Variants in WASHC4 observed in about 807,000 individuals in gnomAD.
WASHC4 encodes the protein WASH complex subunit 4, also known as WASH complex subunit 7.
A neutral mutation model predicts 166.6 loss-of-function variants in WASHC4; 86 were observed. That is an observed-to-expected ratio of 0.52 (90% CI 0.43 to 0.62). The LOEUF is 0.62. WASHC4 is among the 20% of genes least tolerant of loss of function. WASHC4 has a pLI of 0.00. For missense variants in WASHC4, 1,262 were observed against 1,382.4 expected (o/e 0.91, Z 1.38); for synonymous variants, 446 against 451.6 (o/e 0.99, Z 0.16).
intron 20 of WASHC4, among the ~76,000 whole-genome samples, chr12:105,143,834 A>G (rs1883066854): frequency 6.6e-6 from 1 of 151,954 alleles, no homozygotes; most frequent in African/African-American, 2.4e-5. Context: ...ACTTTTTATA[A>G]TTTCTTGTAT....
At chr12:105,129,734 G>A (rs754198780) in intron 13 of WASHC4, among the ~76,000 whole-genome samples, 11 of 152,126 alleles carry the variant, frequency 7.2e-5, no homozygotes, top group Non-Finnish European at 1.3e-4. Flanking sequence ...ATATTTGAGG[G>A]ACATTCAGAA....
At position 105,133,847 on chromosome 12, in the gene WASHC4, T is replaced by C; in HGVS notation, c.1277T>C (p.Met426Thr). 1 of 1,611,978 alleles carries C rather than the reference T, an allele frequency of 6.2e-7. No homozygotes were observed. Residue 426 changes from methionine to threonine, a missense_variant, in exon 14 of 33, where the codon ATG (methionine) becomes ACG (threonine). Transcript: ENST00000332180. ...MESILSKEQR[M>T]DKFAEDLTNR... The stretch of plus-strand genomic sequence containing the variant: ...TCTATTTTGTCTAAAGAGCAGAGAA[T>C]GGATAAATTTGCTGAAGATCTCACC...
Position 105,164,106 on chromosome 12 carries a change from T to A in WASHC4, c.3158-5T>A. ...ATTTAACCTTAGTTTTGCTTATGCC[T>A]GCAGGTGTGGCTTACATTCTAAAGC... On this transcript the variant is annotated splice_region_variant and splice_polypyrimidine_tract_variant and intron_variant, in intron 30 of 32. Coordinates refer to ENST00000332180, the MANE Select transcript of WASHC4 (RefSeq NM_015275.3). The A allele has an allele frequency of 6.2e-7, 1 of 1,614,030 alleles. No homozygotes were observed. Among genetic ancestry groups the A allele is most frequent in the Non-Finnish European group, 8.5e-7 (1 of 1,179,886 alleles).
chr12:105,144,634 G>A, intron 21 of WASHC4, 84 bp from the exon 22 acceptor site: 2 of 1,261,322 alleles, frequency 1.6e-6, no homozygotes, highest in Non-Finnish European at 2.2e-6. Context: ...TGATGTTCAA[G>A]GACAAGTTGT....
At chr12:105,129,067 T>C (rs1450653425) in intron 13 of WASHC4, among the ~76,000 whole-genome samples, 1 of 151,694 alleles carries the variant, frequency 6.6e-6, no homozygotes, top group Non-Finnish European at 1.5e-5. Flanking sequence ...TTCCTCAGCC[T>C]CCCGAGTAGC....
intron 29 of WASHC4, among the ~76,000 whole-genome samples, chr12:105,161,308 CATA>C (rs1884481237): frequency 1.3e-5 from 2 of 152,108 alleles, no homozygotes; most frequent in Non-Finnish European, 2.9e-5. Context: ...AATTTTCTAT[CATA>C]ATTGTATTTT....
intron 1 of WASHC4, among the ~76,000 whole-genome samples, chr12:105,109,125 T>C (rs1879397358): frequency 6.6e-6 from 1 of 152,172 alleles, no homozygotes; most frequent in African/African-American, 2.4e-5. Flanking sequence ...GATAATAAGG[T>C]ATTAGCTCTT....
chr12:105,164,099 T>C lies in WASHC4; in HGVS notation c.3158-12T>C. 4 of 1,613,846 alleles carry C rather than the reference T, an allele frequency of 2.5e-6. No homozygotes were observed. The highest frequency in any genetic ancestry group is 3.4e-6 in the Non-Finnish European group (4 of 1,179,748). The stretch of plus-strand genomic sequence containing the variant: ...CACTGTAATTTAACCTTAGTTTTGC[T>C]TATGCCTGCAGGTGTGGCTTACATT... On this transcript the variant is annotated splice_polypyrimidine_tract_variant and intron_variant, in intron 30 of 32. Coordinates refer to ENST00000332180, the MANE Select transcript of WASHC4 (RefSeq NM_015275.3).
rs1160544648 is a variant in WASHC4, at chr12:105,160,069, T to C, written c.2981T>C (p.Leu994Pro). 1 of 1,613,738 alleles carries C rather than the reference T, an allele frequency of 6.2e-7. No individual in the cohort carries two copies. Among genetic ancestry groups the C allele is most frequent in the Non-Finnish European group, 8.5e-7 (1 of 1,179,604 alleles). ...SAEGTEYFKM[L>P]VDVFAPEFRR... ...GAAGGCACAGAATATTTCAAAATGC[T>C]TGTAGACGTTTTTGCTCCAGAATTT... is the stretch of plus-strand genomic sequence containing the variant. Residue 994 changes from leucine (L) to proline (P), a missense_variant, in exon 29 of 33, where the codon CTT becomes CCT. Coordinates refer to ENST00000332180, the MANE Select transcript of WASHC4 (RefSeq NM_015275.3).
At chr12:105,125,739 G>A (rs1264051531) in intron 10 of WASHC4, among the ~76,000 whole-genome samples, 1 of 151,984 alleles carries the variant, frequency 6.6e-6, no homozygotes, top group Admixed American at 6.5e-5. Context: ...TGAACATCGT[G>A]TGTATCTCTT....
At chr12:105,132,789 T>A (rs1270209596) in intron 13 of WASHC4, among the ~76,000 whole-genome samples, 1 of 3,126 alleles carries the variant, frequency 3.2e-4, no homozygotes, top group African/African-American at 7.6e-4. Context: ...AAAGAGGTAG[T>A]GTGTGTGTGT....
At chr12:105,128,341 G>A (rs1488705369) in intron 13 of WASHC4, among the ~76,000 whole-genome samples, 2 of 152,234 alleles carry the variant, frequency 1.3e-5, no homozygotes, top group Non-Finnish European at 2.9e-5. Flanking sequence ...GCTGAATTAA[G>A]TAATACAAGA....
intron 7 of WASHC4, among the ~76,000 whole-genome samples, chr12:105,119,725 T>G (rs765468631): frequency 1.3e-5 from 2 of 152,244 alleles, no homozygotes; most frequent in Non-Finnish European, 2.9e-5. Context: ...TTGAATTTTG[T>G]GTTTAAATTT....
intron 13 of WASHC4, among the ~76,000 whole-genome samples, chr12:105,130,047 G>A (rs1182074561): frequency 1.3e-5 from 2 of 152,178 alleles, no homozygotes; most frequent in East Asian, 3.8e-4. Flanking sequence ...AGATACTTTT[G>A]TTGCCATTTT....
intron 2 of WASHC4, 85 bp from the exon 3 acceptor site, chr12:105,114,131 G>C: frequency 8.1e-7 from 1 of 1,235,246 alleles, no homozygotes; most frequent in Non-Finnish European, 1.2e-6. Flanking sequence ...AGTTTAAGTC[G>C]AATAAAGCTA....
chr12:105,121,033 T>C, intron 8 of WASHC4, 68 bp from the exon 9 acceptor site: 1 of 1,035,416 alleles, frequency 9.7e-7, no homozygotes, highest in Non-Finnish European at 1.5e-6. Flanking sequence ...GATTTTACTT[T>C]AAACGTCTAC....
intron 1 of WASHC4, among the ~76,000 whole-genome samples, chr12:105,110,431 T>C (rs181105471): frequency 6.6e-6 from 1 of 152,364 alleles, no homozygotes; most frequent in East Asian, 1.9e-4. Flanking sequence ...CGAATAGGCA[T>C]ATTTTAAAAT....
At chr12:105,138,360 T>TA (rs200705849) in intron 15 of WASHC4, among the ~76,000 whole-genome samples, 101 of 145,330 alleles carry the variant, frequency 6.9e-4, no homozygotes, top group East Asian at 2.8e-3. Context: ...TTGCATGAGT[T>TA]AAAAAAAAAA....
intron 14 of WASHC4, 80 bp from the exon 15 acceptor site, chr12:105,137,806 G>A (rs1592883016): frequency 1.7e-6 from 2 of 1,207,034 alleles, no homozygotes; most frequent in East Asian, 2.4e-5. Context: ...GGTAAGTTGA[G>A]GAATAGCTGC....
Sources: allele counts gnomAD v4.1 joint callset (sites outside exome capture counted in the v4.1 genomes callset), GRCh38; gene constraint gnomAD v4.1.1; transcripts MANE v1.5; gene names NCBI Gene and HGNC (gene_info 2026-07-23, HGNC 2026-07-21).